Variants in ARHGAP28 observed in about 807,000 individuals in gnomAD.
The protein encoded by ARHGAP28 is Rho GTPase activating protein 28.
In ARHGAP28, 56 loss-of-function variants were observed where a neutral mutation model predicts 90.7. That is an observed-to-expected ratio of 0.62 (90% CI 0.50 to 0.77). The LOEUF (loss-of-function observed/expected upper bound fraction) is 0.77, where lower values mean the gene tolerates loss of function less well. Ranked by LOEUF, ARHGAP28 falls within the 30% of genes least tolerant of loss-of-function variation. The probability of loss-of-function intolerance (pLI) is 0.00; values close to 1 mark genes in which losing one functional copy is unlikely to be tolerated. For missense variants in ARHGAP28, 869 were observed against 900.9 expected (o/e 0.96, Z 0.45); for synonymous variants, 308 against 323.3 (o/e 0.95, Z 0.51).
chr18:6,851,149 T>C, intron 4 of ARHGAP28, 23 bp downstream of exon 4: 1 of 1,603,730 alleles, frequency 6.2e-7, no homozygotes, highest in Non-Finnish European at 8.5e-7. Flanking sequence ...TGTGGGGGGA[T>C]GGTGGTAGGC....
At chr18:6,776,389 C>T (rs904732678) in intron 1 of ARHGAP28, among the ~76,000 whole-genome samples, 1 of 152,180 alleles carries the variant, frequency 6.6e-6, no homozygotes, top group Admixed American at 6.5e-5. Context: ...AGAATGAAAA[C>T]AGTTCAGTCA....
At chr18:6,840,352 A>G (rs1178208585) in intron 3 of ARHGAP28, among the ~76,000 whole-genome samples, 1 of 152,112 alleles carries the variant, frequency 6.6e-6, no homozygotes, top group Non-Finnish European at 1.5e-5. Context: ...CTTTTCCCAA[A>G]TCCTCCATTT....
At chr18:6,821,432 T>G (rs1393362978) in intron 1 of ARHGAP28, among the ~76,000 whole-genome samples, 2 of 152,208 alleles carry the variant, frequency 1.3e-5, no homozygotes, top group Non-Finnish European at 2.9e-5. Context: ...CAAAAACAGC[T>G]GATGAAGCCT....
chr18:6,842,276 A>G (rs1273549511), intron 3 of ARHGAP28, among the ~76,000 whole-genome samples: 1 of 152,168 alleles, frequency 6.6e-6, no homozygotes, highest in Non-Finnish European at 1.5e-5. Flanking sequence ...CTGAGGTGGA[A>G]GAGTCACTTG....
At chr18:6,763,851 G>C (rs953696372) in intron 1 of ARHGAP28, among the ~76,000 whole-genome samples, 2 of 152,174 alleles carry the variant, frequency 1.3e-5, no homozygotes, top group African/African-American at 4.8e-5. Flanking sequence ...TGAGCACAGC[G>C]CTCTGAGCTT....
At chr18:6,864,496 A>G (rs1023761579) in intron 5 of ARHGAP28, among the ~76,000 whole-genome samples, 3 of 152,186 alleles carry the variant, frequency 2.0e-5, no homozygotes, top group African/African-American at 7.2e-5. Flanking sequence ...GTTGTTATAA[A>G]TTTATTGTGT....
chr18:6,825,110 A>T lies in ARHGAP28; in HGVS notation c.325+146A>T. On this transcript the variant is annotated intron_variant, in intron 2 of 17. Transcript: ENST00000383472. ...GCATATTGATGATCTACTCCCACTGATTGATTTATATCTACTGTACTGGCT... is the reference window on the plus strand; with the variant it reads ...GCATATTGATGATCTACTCCCACTGTTTGATTTATATCTACTGTACTGGCT... 4.9e-6 allele frequency: 4 copies of T among 815,594 alleles called. 1 individual carries two copies. In the South Asian group the frequency reaches 8.0e-5, roughly 16 times the overall value. The allele number at this position is 815,594 out of a possible 1,614,324, so 50.5% of individuals were successfully genotyped here. A position where few individuals can be genotyped will look rare whatever the true frequency, so the allele number is the denominator to read the frequency against.
chr18:6,756,104 T>G (rs1394274390), intron 1 of ARHGAP28, among the ~76,000 whole-genome samples: 1 of 152,220 alleles, frequency 6.6e-6, no homozygotes, highest in Non-Finnish European at 1.5e-5. Context: ...AGTGGCTGTT[T>G]CCTCCCTGGG....
At chr18:6,749,312 C>G (rs2056049910) in intron 1 of ARHGAP28, among the ~76,000 whole-genome samples, 1 of 152,176 alleles carries the variant, frequency 6.6e-6, no homozygotes, top group Non-Finnish European at 1.5e-5. Context: ...ATATTACTCT[C>G]TCTCCTACAA....
chr18:6,867,696 G>T (rs2143477537), intron 5 of ARHGAP28, among the ~76,000 whole-genome samples: 1 of 152,194 alleles, frequency 6.6e-6, no homozygotes, highest in East Asian at 1.9e-4. Flanking sequence ...GAATTAATAT[G>T]TTAATGTTAT....
intron 1 of ARHGAP28, among the ~76,000 whole-genome samples, chr18:6,823,044 C>T (rs1353987370): frequency 6.6e-6 from 1 of 152,130 alleles, no homozygotes; most frequent in East Asian, 1.9e-4. Context: ...TACCTCTTTC[C>T]ACCTGGGAGC....
rs59106353 is a variant in ARHGAP28 at position 6,827,925 on chromosome 18, C to T, written c.325+2961C>T. ...AGATGGGATGGCGGCCGGGCAGAGA[C>T]GCTCCTCACTTCCCAGACGGGGTGG... On this transcript the variant is annotated intron_variant, in intron 2 of 17. Transcript: ENST00000383472. 4.6e-3 allele frequency among the ~76,000 whole-genome samples: 704 copies of T among 151,854 alleles called. 5 individuals carry two copies. The highest frequency in any genetic ancestry group is 0.013 in the African/African-American group (553 of 41,420).
chr18:6,849,940 T>C (rs2056896753), intron 3 of ARHGAP28, among the ~76,000 whole-genome samples: 1 of 152,192 alleles, frequency 6.6e-6, no homozygotes, highest in African/African-American at 2.4e-5. Context: ...TCTCCACTTT[T>C]TCTATTCTTC....
At chr18:6,908,295 G>A (rs2057375266) in intron 16 of ARHGAP28, among the ~76,000 whole-genome samples, 1 of 151,784 alleles carries the variant, frequency 6.6e-6, no homozygotes, top group African/African-American at 2.4e-5. Context: ...ATGCCACCAC[G>A]CCCGGCTGAT....
At chr18:6,798,018 T>C (rs1289890037) in intron 1 of ARHGAP28, among the ~76,000 whole-genome samples, 1 of 152,144 alleles carries the variant, frequency 6.6e-6, no homozygotes, top group Non-Finnish European at 1.5e-5. Context: ...AAAGCATAAA[T>C]TTGAAAAGAT....
At chr18:6,872,112 C>T (rs1229877845) in intron 7 of ARHGAP28, among the ~76,000 whole-genome samples, 1 of 152,194 alleles carries the variant, frequency 6.6e-6, no homozygotes, top group African/African-American at 2.4e-5. Flanking sequence ...ACTCTGGTTT[C>T]AGGGGGAGCC....
At chr18:6,760,706 A>G (rs779561183) in intron 1 of ARHGAP28, among the ~76,000 whole-genome samples, 23 of 152,310 alleles carry the variant, frequency 1.5e-4, no homozygotes, top group Admixed American at 7.8e-4. Context: ...CAATTTAGCT[A>G]TTGCAATAGA....
At chr18:6,825,795 T>G (rs1340922097) in intron 2 of ARHGAP28, among the ~76,000 whole-genome samples, 2 of 152,236 alleles carry the variant, frequency 1.3e-5, no homozygotes, top group Non-Finnish European at 2.9e-5. Context: ...TTCACTCTTT[T>G]TTATGGCTGC....
intron 3 of ARHGAP28, among the ~76,000 whole-genome samples, chr18:6,842,156 C>A (rs1260680292): frequency 6.6e-6 from 1 of 152,142 alleles, no homozygotes; most frequent in East Asian, 1.9e-4. Flanking sequence ...TGAGACCAGC[C>A]TGGGCAGCAT....
Sources: gnomAD v4.1 joint callset for allele counts (sites outside exome capture counted in the v4.1 genomes callset) on GRCh38, gnomAD v4.1.1 for gene constraint, MANE v1.5 for transcripts, NCBI Gene and HGNC (gene_info 2026-07-23, HGNC 2026-07-21) for gene names.